GRIP2: variants seen among roughly 807,000 people sequenced by gnomAD.
GRIP2 encodes the protein glutamate receptor-interacting protein 2.
GRIP2 carries 58 observed loss-of-function variants against 108.3 expected under a neutral mutation model. That is an observed-to-expected ratio of 0.54 (90% CI 0.43 to 0.67). The LOEUF (loss-of-function observed/expected upper bound fraction) is 0.67. Among genes scored for constraint, GRIP2 ranks in the 30% least tolerant of loss-of-function variants. GRIP2 has a pLI of 0.00. For missense variants in GRIP2, 1,278 were observed against 1,430.6 expected, an observed-to-expected ratio of 0.89 and a Z score of 1.72; for synonymous variants, 586 against 598.2, an observed-to-expected ratio of 0.98 and a Z score of 0.30.
chr3:14,502,767 A>C (rs778512955), intron 21 of GRIP2, among the ~76,000 whole-genome samples: 3 of 152,190 alleles, frequency 2.0e-5, no homozygotes, highest in Non-Finnish European at 2.9e-5. Context: ...AAGCATAAAT[A>C]AAGTGGAAGG....
intron 13 of GRIP2, 84 bp downstream of exon 13, chr3:14,513,581 G>A (rs2124894235): frequency 6.8e-7 from 1 of 1,474,726 alleles, no homozygotes; most frequent in Non-Finnish European, 9.1e-7. Flanking sequence ...ATGGGGTGGA[G>A]CGTTTGCACA....
At chr3:14,532,668 G>T (rs1315668064) in intron 1 of GRIP2, among the ~76,000 whole-genome samples, 1 of 152,060 alleles carries the variant, frequency 6.6e-6, no homozygotes, top group Non-Finnish European at 1.5e-5. Flanking sequence ...TGAGTTAGGG[G>T]AGGGGGTTCA....
rs994615375 is a variant in GRIP2, at chr3:14,501,471, G to A, written c.2679+2095C>T. On this transcript the variant is annotated intron_variant, in intron 21 of 23. Transcript: ENST00000621039. ...AGCTCCAAGCATGGATTAGACATTG[G>A]TTTGGACAAAACAGGTGTAAAGGAC... is the stretch of plus-strand genomic sequence containing the variant. 7.9e-5 allele frequency among the ~76,000 whole-genome samples: 12 copies of A among 152,162 alleles called. 1 individual carries two copies. In the South Asian group the frequency reaches 1.0e-3, roughly 13 times the overall value.
chr3:14,571,645 G>A, the GRIP2 span, among the ~76,000 whole-genome samples: 9 of 152,170 alleles, frequency 5.9e-5, no homozygotes, highest in East Asian at 3.9e-4. Context: ...AAGCTGAACC[G>A]TCACCTGGCA....
At chr3:14,575,422 A>G in the GRIP2 span, among the ~76,000 whole-genome samples, 1 of 152,076 alleles carries the variant, frequency 6.6e-6, no homozygotes, top group African/African-American at 2.4e-5. Flanking sequence ...GCCAGCCTCA[A>G]ATGGGTGGAT....
chr3:14,541,070 C>T (rs1295226728), upstream of GRIP2, among the ~76,000 whole-genome samples: 1 of 152,260 alleles, frequency 6.6e-6, no homozygotes, highest in Non-Finnish European at 1.5e-5. Flanking sequence ...AGGCTCTGCC[C>T]CGTCCCAGAC....
In GRIP2 at chr3:14,505,750, G is replaced by A. The variant is rs866579868; in HGVS notation, c.2438C>T (p.Pro813Leu). Residue 813 changes from proline (P) to leucine (L), a missense_variant, in exon 20 of 24, where the codon CCC becomes CTC. By Grantham distance (98) the Pro-to-Leu change is moderately conservative (BLOSUM62 -3). Coordinates refer to ENST00000621039, the MANE Select transcript of GRIP2 (RefSeq NM_001080423.4). The surrounding 1 kb of genome is among the most constrained non-coding windows in gnomAD (Gnocchi z 4.2). ...TPQAAARGTT[P>L]QERRPGWLRG... The stretch of plus-strand genomic sequence containing the variant: ...CAGCCAGCCAGGCCTCCGCTCCTGG[G>A]GGGTCGTGCCCCGGGCTGCTGCCTG... 13 of 1,579,258 alleles carry A rather than the reference G, an allele frequency of 8.2e-6. No individual in the cohort carries two copies. In the Admixed American group the frequency reaches 2.4e-4, roughly 29 times the overall value.
At chr3:14,602,086 G>C in the GRIP2 span, 1 of 152,258 alleles carries the variant, frequency 6.6e-6, no homozygotes, top group African/African-American at 2.4e-5. The surrounding 1 kb of genome is among the most constrained non-coding windows in gnomAD (Gnocchi z 4.7). Flanking sequence ...CAGCCATTAT[G>C]CCCCCCAAAG....
intron 1 of GRIP2, among the ~76,000 whole-genome samples, chr3:14,547,259 T>C (rs906422752): frequency 1.3e-5 from 2 of 152,192 alleles, no homozygotes; most frequent in Non-Finnish European, 2.9e-5. Context: ...TGAAATGTGG[T>C]GTCATTATGT....
the GRIP2 span, among the ~76,000 whole-genome samples, chr3:14,597,942 C>T: frequency 3.5e-3 from 534 of 152,326 alleles, 4 homozygotes; most frequent in African/African-American, 0.012. Context: ...TAAACCCAAA[C>T]AAAAGATTCC....
chr3:14,513,752 C>A lies in GRIP2; in HGVS notation c.1552G>T (p.Asp518Tyr), dbSNP rs759933359. ...VLSINGIATE[D>Y]GTMEEANQLL... is the part of the protein sequence containing the mutation. ...TGGTTGGCTTCCTCCATAGTCCCGT[C>A]CTCGGTGGCAATGCCATTGATGGAC... The change falls in exon 13 of 24, where the codon GAC (aspartate) becomes TAC (tyrosine). Residue 518 changes from aspartate (D) to tyrosine (Y), a missense_variant. By Grantham distance (160) the Asp-to-Tyr change is radical (BLOSUM62 -3). Coordinates refer to ENST00000621039, the MANE Select transcript of GRIP2 (RefSeq NM_001080423.4). 62 of 1,611,898 alleles carry A rather than the reference C, an allele frequency of 3.8e-5. No homozygotes were observed. The highest frequency in any genetic ancestry group is 4.9e-5 in the Non-Finnish European group (58 of 1,179,200).
chr3:14,498,000 C>A lies in GRIP2; in HGVS notation c.2680-1440G>T, dbSNP rs533715876. 3.5e-3 allele frequency among the ~76,000 whole-genome samples: 538 copies of A among 152,268 alleles called. 1 individual carries two copies. Among genetic ancestry groups the A allele is most frequent in the Non-Finnish European group, 6.5e-3 (444 of 68,020 alleles). On this transcript the variant is annotated intron_variant, in intron 21 of 23. Transcript: ENST00000621039. ...GGGGAGGATGGACTTCTTACTCTAACATCGTGCAATCTCACAGGCACACAA... is the reference window on the plus strand; with the variant it reads ...GGGGAGGATGGACTTCTTACTCTAAAATCGTGCAATCTCACAGGCACACAA...
At chr3:14,590,284 T>C in the GRIP2 span, among the ~76,000 whole-genome samples, 1 of 152,198 alleles carries the variant, frequency 6.6e-6, no homozygotes, top group South Asian at 2.1e-4. Context: ...GACGCTTACT[T>C]TTCTTATTGA....
chr3:14,578,180 C>T, the GRIP2 span, among the ~76,000 whole-genome samples: 1 of 152,186 alleles, frequency 6.6e-6, no homozygotes, highest in Non-Finnish European at 1.5e-5. Flanking sequence ...CTGTCATCGA[C>T]GAGGGCCAGG....
the GRIP2 span, among the ~76,000 whole-genome samples, chr3:14,597,063 G>T: frequency 6.6e-6 from 1 of 152,180 alleles, no homozygotes; most frequent in Non-Finnish European, 1.5e-5. Context: ...TCTAAACGAA[G>T]TGAGTTACTG....
At chr3:14,508,326 G>A (rs1230708658) in intron 17 of GRIP2, among the ~76,000 whole-genome samples, 1 of 152,220 alleles carries the variant, frequency 6.6e-6, no homozygotes, top group Non-Finnish European at 1.5e-5. Flanking sequence ...TTTTGAAAAT[G>A]CAGGTGCCTG....
chr3:14,585,631 A>T, the GRIP2 span, among the ~76,000 whole-genome samples: 1 of 152,196 alleles, frequency 6.6e-6, no homozygotes, highest in African/African-American at 2.4e-5. Context: ...AAAGGAGACC[A>T]GAGAGCAGCT....
At chr3:14,564,398 G>A in the GRIP2 span, among the ~76,000 whole-genome samples, 3 of 152,184 alleles carry the variant, frequency 2.0e-5, no homozygotes, top group South Asian at 2.1e-4. Flanking sequence ...CGGCAGTGCC[G>A]GCCACCTCCT....
intron 9 of GRIP2, among the ~76,000 whole-genome samples, chr3:14,519,359 G>T (rs1694343089): frequency 6.6e-6 from 1 of 152,238 alleles, no homozygotes; most frequent in Non-Finnish European, 1.5e-5. Flanking sequence ...TTAGGGCTAG[G>T]ATTTATAGGC....
Sources: allele counts gnomAD v4.1 joint callset (sites outside exome capture counted in the v4.1 genomes callset), GRCh38; gene constraint gnomAD v4.1.1; non-coding constraint Gnocchi (gnomAD v3.1); transcripts MANE v1.5; gene names NCBI Gene and HGNC (gene_info 2026-07-23, HGNC 2026-07-21).